FANCC: variants seen among roughly 807,000 people sequenced by gnomAD.
FANCC encodes the protein FA complementation group C.
FANCC carries 55 observed loss-of-function variants against 71.3 expected under a neutral mutation model. The observed-to-expected ratio is 0.77, with a 90% CI of 0.62 to 0.97. FANCC has a LOEUF of 0.97. Ranked by LOEUF, FANCC falls within the 50% of genes least tolerant of loss-of-function variation. The pLI is 0.00. For missense variants in FANCC, 678 were observed against 670.9 expected (o/e 1.01, Z -0.12); for synonymous variants, 275 against 244.9 (o/e 1.12, Z -1.15).
rs56140833 is a variant in FANCC, at chr9:95,125,419, T to C, written c.897-234A>G. Reference sequence around the variant, plus strand: ...CTCTCTTTCTTGGTTCTTAAATTATTAAGCAATGCAAATCCCTTCCACACA... The same window carrying C: ...CTCTCTTTCTTGGTTCTTAAATTATCAAGCAATGCAAATCCCTTCCACACA... On this transcript the variant is annotated intron_variant, in intron 9 of 14. Transcript: ENST00000289081. Among the ~76,000 whole-genome samples the C allele has an allele frequency of 7.1e-3, 1,074 of 152,300 alleles. 11 individuals carry two copies. Among genetic ancestry groups the C allele is most frequent in the African/African-American group, 0.024 (996 of 41,548 alleles).
chr9:95,134,245 C>T (rs544414495), intron 8 of FANCC, among the ~76,000 whole-genome samples: 15 of 152,286 alleles, frequency 9.8e-5, no homozygotes, highest in African/African-American at 3.6e-4. Flanking sequence ...TTCCCTTAGA[C>T]AGTCTCCAAC....
chr9:95,252,120 A>G (rs146906429), intron 1 of FANCC, among the ~76,000 whole-genome samples: 1,642 of 152,090 alleles, frequency 0.011, 39 homozygotes, highest in African/African-American at 0.037. Flanking sequence ...TCTACTGAAA[A>G]TAACAAAAAT....
intron 1 of FANCC, among the ~76,000 whole-genome samples, chr9:95,274,108 G>A (rs1335621750): frequency 6.6e-6 from 1 of 152,126 alleles, no homozygotes; most frequent in Non-Finnish European, 1.5e-5. Flanking sequence ...ACACGCCATG[G>A]TGGTTTGCTG....
intron 4 of FANCC, among the ~76,000 whole-genome samples, chr9:95,198,116 G>T (rs1827573758): frequency 6.6e-6 from 1 of 152,158 alleles, no homozygotes; most frequent in South Asian, 2.1e-4. Context: ...GCACTCGCAG[G>T]AGTGAGACAC....
intron 3 of FANCC, among the ~76,000 whole-genome samples, chr9:95,243,003 A>G (rs986185281): frequency 6.6e-6 from 1 of 152,266 alleles, no homozygotes. Flanking sequence ...AAGGAAAGGA[A>G]GATAACAACA....
At chr9:95,203,715 T>C (rs1344559735) in intron 4 of FANCC, among the ~76,000 whole-genome samples, 1 of 152,218 alleles carries the variant, frequency 6.6e-6, no homozygotes, top group Non-Finnish European at 1.5e-5. Flanking sequence ...ATATTATTTA[T>C]GAAAAAATAT....
chr9:95,167,980 A>G (rs1825413350), intron 6 of FANCC, among the ~76,000 whole-genome samples: 1 of 152,360 alleles, frequency 6.6e-6, no homozygotes, highest in African/African-American at 2.4e-5. Flanking sequence ...GGCTTTCACC[A>G]GTGGACCCGG....
intron 4 of FANCC, among the ~76,000 whole-genome samples, chr9:95,187,013 C>T (rs577734044): frequency 6.6e-6 from 1 of 152,242 alleles, no homozygotes; most frequent in African/African-American, 2.4e-5. Flanking sequence ...AACTCCTTAC[C>T]TCAGGTGCCT....
chr9:95,267,038 G>A (rs990177083), intron 1 of FANCC, among the ~76,000 whole-genome samples: 7 of 152,058 alleles, frequency 4.6e-5, no homozygotes, highest in African/African-American at 7.2e-5. Flanking sequence ...CTATGAAATC[G>A]ATACGAGACA....
At chr9:95,226,261 C>T (rs1829606323) in intron 4 of FANCC, among the ~76,000 whole-genome samples, 1 of 152,156 alleles carries the variant, frequency 6.6e-6, no homozygotes, top group African/African-American at 2.4e-5. Context: ...AGGAAAAATA[C>T]ACTTACAAAA....
In FANCC at chr9:95,187,205, A is replaced by G. The variant is rs562954333; in HGVS notation, c.346-15058T>C. Among the ~76,000 whole-genome samples, 200 of 152,198 alleles carry G rather than the reference A, an allele frequency of 1.3e-3. 2 individuals are homozygous for G. The Middle Eastern group carries it at 0.014, about 10-fold the overall frequency. ...GCACGGGAAGCAGCGAGCGTTACGC[A>G]CTCCCAGCACGTCTCCCATCTGATG... On this transcript the variant is annotated intron_variant, in intron 4 of 14. Coordinates refer to ENST00000289081, the MANE Select transcript of FANCC (RefSeq NM_000136.3).
chr9:95,232,362 T>C (rs1172353835), intron 4 of FANCC, among the ~76,000 whole-genome samples: 1 of 152,122 alleles, frequency 6.6e-6, no homozygotes, highest in Non-Finnish European at 1.5e-5. Flanking sequence ...GACAAACATA[T>C]ATTATGAACT....
At chr9:95,301,498 T>G (rs1325615689) in intron 1 of FANCC, among the ~76,000 whole-genome samples, 1 of 151,904 alleles carries the variant, frequency 6.6e-6, no homozygotes, top group African/African-American at 2.4e-5. Context: ...CATGACTGAT[T>G]TAGGCTCACT....
Position 95,247,417 on chromosome 9 carries a change from G to T in FANCC, c.250+15C>A. ...TAAAATAGCCATTTTGAGAGGACAC[G>T]TTTTTGATTCTTACCATATGCTAAA... is the stretch of plus-strand genomic sequence containing the variant. On this transcript the variant is annotated intron_variant, in intron 3 of 14. Coordinates refer to ENST00000289081, the MANE Select transcript of FANCC (RefSeq NM_000136.3). 1 of 1,595,040 alleles carries T rather than the reference G, an allele frequency of 6.3e-7. No homozygotes were observed. The highest frequency in any genetic ancestry group is 8.6e-7 in the Non-Finnish European group (1 of 1,163,022).
At chr9:95,228,941 C>T (rs537590707) in intron 4 of FANCC, among the ~76,000 whole-genome samples, 53 of 152,280 alleles carry the variant, frequency 3.5e-4, no homozygotes, top group African/African-American at 1.2e-3. Flanking sequence ...CAAGCATGGA[C>T]TTTGCATTTC....
chr9:95,126,737 C>A (rs536994779), intron 8 of FANCC, 156 bp from the exon 9 acceptor site: 2 of 723,166 alleles, frequency 2.8e-6, no homozygotes, highest in Non-Finnish European at 4.9e-6. Flanking sequence ...GTACTGAAAA[C>A]GCCCCACATA....
In FANCC at chr9:95,101,854, CA is replaced by C. The variant is rs748342368; in HGVS notation, c.1534-5del. 1.4e-5 allele frequency: 22 copies of C among 1,613,752 alleles called. No individual in the cohort carries two copies. In the Admixed American group the frequency reaches 3.0e-4, roughly 22 times the overall value. ...TTATCTCAGCAGTGTGAGCCATCTG[CA>C]ATCAGGACAGAAGAGAAGGCAAATT... On this transcript the variant is annotated splice_region_variant and splice_polypyrimidine_tract_variant and intron_variant, in intron 14 of 14. Transcript: ENST00000289081.
intron 1 of FANCC, among the ~76,000 whole-genome samples, chr9:95,278,724 G>A (rs10761378): frequency 3.3e-5 from 5 of 151,158 alleles, no homozygotes; most frequent in Admixed American, 2.0e-4. Flanking sequence ...ATCATAAGTC[G>A]AGAATCATAT....
At chr9:95,223,164 T>C (rs980663642) in intron 4 of FANCC, among the ~76,000 whole-genome samples, 1 of 152,246 alleles carries the variant, frequency 6.6e-6, no homozygotes, top group Non-Finnish European at 1.5e-5. Flanking sequence ...CTAGAGCTGC[T>C]GTGACAAAGT....
Sources: gnomAD v4.1 joint callset for allele counts (sites outside exome capture counted in the v4.1 genomes callset) on GRCh38, gnomAD v4.1.1 for gene constraint, MANE v1.5 for transcripts, NCBI Gene and HGNC (gene_info 2026-07-23, HGNC 2026-07-21) for gene names.